The following ROR1 variants were observed in gnomAD, a reference collection of about 807,000 sequenced individuals.
The protein encoded by ROR1 is ROR family WNT receptor 1.
A neutral mutation model predicts 78.8 loss-of-function variants in ROR1; 19 were observed. The observed-to-expected ratio is 0.24, with a 90% CI of 0.17 to 0.35. The LOEUF (loss-of-function observed/expected upper bound fraction) is 0.35, where lower values mean the gene tolerates loss of function less well. ROR1 is among the 10% of genes least tolerant of loss of function. ROR1 has a pLI of 1.00. For synonymous variants in ROR1, 386 were observed against 433.6 expected (o/e 0.89, Z 1.36); for missense variants, 917 against 1,177.8 (o/e 0.78, Z 3.24).
At position 63,856,384 on chromosome 1, in the gene ROR1, C is replaced by A. The variant is rs560233500; in HGVS notation, c.91+81876C>A. Among the ~76,000 whole-genome samples, 5 of 152,328 alleles carry A rather than the reference C, an allele frequency of 3.3e-5. No individual in the cohort carries two copies. The South Asian group carries it at 8.3e-4, about 25-fold the overall frequency. The stretch of plus-strand genomic sequence containing the variant: ...GTGCTCTCCTCGTGGCGTGGGGAAT[C>A]ATGAGGTTTTCCAATCTGGAAATAT... On this transcript the variant is annotated intron_variant, in intron 1 of 8. Coordinates refer to ENST00000371079, the MANE Select transcript of ROR1 (RefSeq NM_005012.4).
At chr1:64,005,253 A>G (rs149094553) in intron 1 of ROR1, among the ~76,000 whole-genome samples, 1 of 152,354 alleles carries the variant, frequency 6.6e-6, no homozygotes, top group East Asian at 1.9e-4. Flanking sequence ...TGGACACTGT[A>G]CAGGAGTCTT....
At chr1:64,156,958 A>G (rs542058185) in intron 7 of ROR1, among the ~76,000 whole-genome samples, 1 of 152,160 alleles carries the variant, frequency 6.6e-6, no homozygotes, top group Non-Finnish European at 1.5e-5. Context: ...TCCTTGGGCA[A>G]CTTACTTAAC....
chr1:63,800,162 G>T (rs977114165), intron 1 of ROR1, among the ~76,000 whole-genome samples: 3 of 152,110 alleles, frequency 2.0e-5, no homozygotes, highest in African/African-American at 7.2e-5. Flanking sequence ...GGTTACCCTG[G>T]GTCCATTTTT....
At chr1:64,155,622 C>T (rs1476754333) in intron 7 of ROR1, among the ~76,000 whole-genome samples, 3 of 152,170 alleles carry the variant, frequency 2.0e-5, no homozygotes, top group African/African-American at 7.2e-5. Context: ...AGAAGACCTT[C>T]CATGAATAAT....
At chr1:64,091,247 T>C (rs1264644588) in intron 4 of ROR1, among the ~76,000 whole-genome samples, 1 of 152,162 alleles carries the variant, frequency 6.6e-6, no homozygotes, top group African/African-American at 2.4e-5. Context: ...CAGTTTAGCA[T>C]CATGGGATAA....
At chr1:63,962,406 G>A (rs1646036706) in intron 1 of ROR1, among the ~76,000 whole-genome samples, 1 of 152,242 alleles carries the variant, frequency 6.6e-6, no homozygotes, top group African/African-American at 2.4e-5. Flanking sequence ...AGAATACGGA[G>A]ATGAAAGACA....
chr1:63,926,290 G>A (rs1252102879), intron 1 of ROR1, among the ~76,000 whole-genome samples: 269 of 139,664 alleles, frequency 1.9e-3, no homozygotes, highest in Non-Finnish European at 2.8e-3. Context: ...CCCATTGCTT[G>A]TTTTTCTCAG....
intron 1 of ROR1, among the ~76,000 whole-genome samples, chr1:64,002,209 C>T (rs1646390174): frequency 6.6e-6 from 1 of 150,680 alleles, no homozygotes. Context: ...TCTTGGCTCG[C>T]TGCAACCTCT....
At chr1:64,063,698 C>G (rs1192203900) in intron 4 of ROR1, among the ~76,000 whole-genome samples, 1 of 151,978 alleles carries the variant, frequency 6.6e-6, no homozygotes, top group Non-Finnish European at 1.5e-5. Context: ...CCAGAAGCAA[C>G]AACAGCTGGG....
At chr1:63,846,117 AATGTGTGTGTGTGTGTGTGTGT>A (rs745394617) in intron 1 of ROR1, among the ~76,000 whole-genome samples, 1 of 91,526 alleles carries the variant, frequency 1.1e-5, no homozygotes, top group African/African-American at 3.6e-5. Context: ...AGAGAGAGAG[AATGTGTGTGTGTGTGTGTGTGT>A]GTGTGTGTGT....
At chr1:64,129,775 T>G (rs1648846954) in intron 4 of ROR1, among the ~76,000 whole-genome samples, 1 of 152,208 alleles carries the variant, frequency 6.6e-6, no homozygotes, top group Non-Finnish European at 1.5e-5. Flanking sequence ...TAAATAGGAA[T>G]AAAATATATT....
At chr1:63,799,068 G>A (rs1044537298) in intron 1 of ROR1, among the ~76,000 whole-genome samples, 1 of 151,768 alleles carries the variant, frequency 6.6e-6, no homozygotes, top group Admixed American at 6.6e-5. Flanking sequence ...AAATACTTTT[G>A]CTTAATGTTT....
chr1:63,957,954 G>A (rs1235789942), intron 1 of ROR1, among the ~76,000 whole-genome samples: 1 of 151,986 alleles, frequency 6.6e-6, no homozygotes, highest in Non-Finnish European at 1.5e-5. Context: ...ATGTTGGCCA[G>A]GCTGGTCTCA....
intron 4 of ROR1, among the ~76,000 whole-genome samples, chr1:64,067,560 T>C (rs1478673993): frequency 6.6e-6 from 1 of 151,794 alleles, no homozygotes; most frequent in African/African-American, 2.4e-5. Context: ...CTCAATTTTC[T>C]AGTAACTGAA....
chr1:64,169,902 G>T (rs112587336), intron 8 of ROR1, among the ~76,000 whole-genome samples: 4,598 of 152,274 alleles, frequency 0.03, 256 homozygotes, highest in African/African-American at 0.11. Context: ...GCTCCAAAAT[G>T]ATCTCCTTTG....
Position 64,049,929 on chromosome 1 carries a change from A to G in ROR1, c.402A>G (p.Thr134=). 1.2e-6 allele frequency: 2 copies of G among 1,614,162 alleles called. No homozygotes were observed. The highest frequency in any genetic ancestry group is 1.7e-6 in the Non-Finnish European group (2 of 1,180,018). ...TDTGYFQCVA[T]NGKEVVSSTG... ...CAGGCTACTTCCAGTGCGTGGCAAC[A>G]AACGGCAAGGAGGTGGTTTCTTCCA... is the stretch of plus-strand genomic sequence containing the variant. The change falls in exon 3 of 9, where the codon ACA becomes ACG. Residue 134 remains threonine, a synonymous_variant. Coordinates refer to ENST00000371079, the MANE Select transcript of ROR1 (RefSeq NM_005012.4).
intron 1 of ROR1, among the ~76,000 whole-genome samples, chr1:63,842,469 C>G (rs1265511939): frequency 6.6e-6 from 1 of 152,096 alleles, no homozygotes; most frequent in African/African-American, 2.4e-5. Flanking sequence ...CTTAGGGAAC[C>G]CAAATCTTTT....
chr1:63,940,168 G>A (rs1236909461), intron 1 of ROR1, among the ~76,000 whole-genome samples: 2 of 152,106 alleles, frequency 1.3e-5, no homozygotes, highest in African/African-American at 2.4e-5. Context: ...ATGCCAGACC[G>A]AGAAGTGTTA....
At chr1:63,913,900 G>T (rs1455690470) in intron 1 of ROR1, among the ~76,000 whole-genome samples, 1 of 152,160 alleles carries the variant, frequency 6.6e-6, no homozygotes, top group African/African-American at 2.4e-5. Context: ...TCCTCACACG[G>T]TGGCTCTGTG....
Sources: allele counts gnomAD v4.1 joint callset (sites outside exome capture counted in the v4.1 genomes callset), GRCh38; gene constraint gnomAD v4.1.1; transcripts MANE v1.5; gene names NCBI Gene and HGNC (gene_info 2026-07-23, HGNC 2026-07-21).